Variants in SSBP2 observed in about 807,000 individuals in gnomAD.
SSBP2 encodes the protein single-stranded DNA-binding protein 2.
In SSBP2, 17 loss-of-function variants were observed where a neutral mutation model predicts 61.8. The ratio of observed to expected loss-of-function variants is 0.28; its 90% CI spans 0.19 to 0.41. The LOEUF (loss-of-function observed/expected upper bound fraction) is 0.41, where lower values mean the gene tolerates loss of function less well. SSBP2 is among the 10% of genes least tolerant of loss of function. SSBP2 has a pLI of 1.00. For missense variants in SSBP2, 310 were observed against 458.7 expected (o/e 0.68, Z 2.96); for synonymous variants, 139 against 141.3 (o/e 0.98, Z 0.12).
chr5:81,442,549 T>C, intron 13 of SSBP2, 104 bp downstream of exon 13: 1 of 654,102 alleles, frequency 1.5e-6, no homozygotes, highest in Non-Finnish European at 2.6e-6. Flanking sequence ...AATAAGCTCC[T>C]GGATAATAAA....
intron 15 of SSBP2, among the ~76,000 whole-genome samples, chr5:81,431,138 G>T (rs1762257990): frequency 6.6e-6 from 1 of 152,138 alleles, no homozygotes; most frequent in Non-Finnish European, 1.5e-5. Flanking sequence ...AACTGTAGCT[G>T]TATTTGTGTA....
At chr5:81,463,210 G>A (rs115864109) in intron 9 of SSBP2, among the ~76,000 whole-genome samples, 3,722 of 152,018 alleles carry the variant, frequency 0.024, 55 homozygotes, top group Middle Eastern at 0.068. Flanking sequence ...AGTTTCACAA[G>A]TATTTTATAA....
At chr5:81,633,567 C>T (rs747363224) in intron 3 of SSBP2, among the ~76,000 whole-genome samples, 9 of 152,208 alleles carry the variant, frequency 5.9e-5, no homozygotes, top group Admixed American at 3.3e-4. Flanking sequence ...GATGAGGTAT[C>T]GCTATGTTTC....
At chr5:81,562,426 A>T (rs1044748084) in intron 4 of SSBP2, among the ~76,000 whole-genome samples, 2 of 152,190 alleles carry the variant, frequency 1.3e-5, no homozygotes, top group African/African-American at 4.8e-5. Context: ...ACTGCACTTT[A>T]TAAGAGATAA....
At chr5:81,479,436 G>A (rs533521312) in intron 6 of SSBP2, among the ~76,000 whole-genome samples, 11 of 152,096 alleles carry the variant, frequency 7.2e-5, no homozygotes, top group South Asian at 6.2e-4. Context: ...GATCACAGGC[G>A]TCCACTACCT....
At chr5:81,714,386 T>A (rs1353483423) in intron 1 of SSBP2, among the ~76,000 whole-genome samples, 8 of 152,230 alleles carry the variant, frequency 5.3e-5, no homozygotes, top group Non-Finnish European at 5.9e-5. Context: ...TGTGCCTTTA[T>A]AGTAGAATGA....
chr5:81,715,746 G>T (rs555644154), intron 1 of SSBP2, among the ~76,000 whole-genome samples: 1 of 152,204 alleles, frequency 6.6e-6, no homozygotes, highest in African/African-American at 2.4e-5. Context: ...CAAGAAATGT[G>T]TATGTGACTA....
chr5:81,725,893 G>C (rs1278091739), intron 1 of SSBP2, among the ~76,000 whole-genome samples: 1 of 151,984 alleles, frequency 6.6e-6, no homozygotes, highest in African/African-American at 2.4e-5. Context: ...ACACATGGTG[G>C]GTTGATACTT....
rs1761467598 is a variant in SSBP2, at chr5:81,419,410, CT to C, written c.*1093del. ...AGGAGTGCTAATAACTCTCTTCTCC[CT>C]TGTGCTCAAAGTCTCCTTCTATGTA... is the stretch of plus-strand genomic sequence containing the variant. On this transcript the variant is annotated 3_prime_UTR_variant, in exon 17 of 17. Transcript: ENST00000320672. The C allele has an allele frequency of 6.6e-6, 1 of 152,166 alleles. No homozygotes were observed. The highest frequency in any genetic ancestry group is 1.9e-4 in the East Asian group (1 of 5,198). The allele number at this position is 152,166 out of a possible 1,614,324, so 9.4% of individuals were successfully genotyped here.
chr5:81,490,382 T>C (rs1032478895), intron 5 of SSBP2, among the ~76,000 whole-genome samples: 4 of 152,062 alleles, frequency 2.6e-5, no homozygotes, highest in Non-Finnish European at 5.9e-5. Context: ...AACAGAAAAA[T>C]TATAATTTTG....
intron 16 of SSBP2, 96 bp from the exon 17 acceptor site, chr5:81,420,629 TATC>T: frequency 3.0e-6 from 3 of 995,870 alleles, no homozygotes; most frequent in Non-Finnish European, 3.1e-6. Flanking sequence ...TCTAATTTCT[TATC>T]ATCTTTTATG....
At chr5:81,464,069 T>C (rs1455723175) in intron 9 of SSBP2, among the ~76,000 whole-genome samples, 3 of 152,016 alleles carry the variant, frequency 2.0e-5, no homozygotes, top group Non-Finnish European at 4.4e-5. Context: ...ATGCTTGGCC[T>C]GAAAAATCCT....
intron 3 of SSBP2, among the ~76,000 whole-genome samples, chr5:81,629,367 C>A (rs1747477986): frequency 6.6e-6 from 1 of 152,202 alleles, no homozygotes; most frequent in Non-Finnish European, 1.5e-5. Context: ...GGTTTAAAAT[C>A]TTTGGGATAT....
At chr5:81,466,240 A>G (rs139648178) in intron 9 of SSBP2, among the ~76,000 whole-genome samples, 7 of 152,186 alleles carry the variant, frequency 4.6e-5, no homozygotes, top group African/African-American at 1.4e-4. Context: ...CCTTGTGTAT[A>G]TAAGACTTGG....
chr5:81,652,907 A>C (rs1458592204), intron 1 of SSBP2, among the ~76,000 whole-genome samples: 61 of 123,428 alleles, frequency 4.9e-4, no homozygotes, highest in Admixed American at 6.6e-4. Flanking sequence ...CCCCCCTCCC[A>C]CCCTTTCCCC....
At chr5:81,625,477 C>G (rs60796217) in intron 3 of SSBP2, among the ~76,000 whole-genome samples, 2,827 of 152,114 alleles carry the variant, frequency 0.019, 103 homozygotes, top group African/African-American at 0.065. Context: ...ATGAATAATA[C>G]TTTAGAGTTT....
At chr5:81,627,921 T>C (rs1344464175) in intron 3 of SSBP2, among the ~76,000 whole-genome samples, 2 of 152,160 alleles carry the variant, frequency 1.3e-5, no homozygotes, top group South Asian at 2.1e-4. Context: ...AAAAAGTAGC[T>C]GGGCATGGTG....
Position 81,609,739 on chromosome 5 carries a change from C to G in SSBP2, c.282+5734G>C, listed in dbSNP as rs573599120. Among the ~76,000 whole-genome samples, 6 of 152,294 alleles carry G rather than the reference C, an allele frequency of 3.9e-5. No homozygotes were observed. In the South Asian group the frequency reaches 1.0e-3, roughly 26 times the overall value. ...TTGGCACATTTTTCTCTGTTTGATC[C>G]TCAGCATTCAACTATTTTACATACA... On this transcript the variant is annotated intron_variant, in intron 4 of 16. Coordinates refer to ENST00000320672, the MANE Select transcript of SSBP2 (RefSeq NM_012446.5).
intron 1 of SSBP2, among the ~76,000 whole-genome samples, chr5:81,716,503 T>C (rs977840196): frequency 3.9e-5 from 6 of 152,218 alleles, no homozygotes; most frequent in African/African-American, 1.4e-4. Context: ...ATTATTAATA[T>C]ATTGCAGCAC....
Sources: allele counts gnomAD v4.1 joint callset (sites outside exome capture counted in the v4.1 genomes callset), GRCh38; gene constraint gnomAD v4.1.1; transcripts MANE v1.5; gene names NCBI Gene and HGNC (gene_info 2026-07-23, HGNC 2026-07-21).